NFIX: variants seen among roughly 807,000 people sequenced by gnomAD.
The protein encoded by NFIX is nuclear factor I X.
In NFIX, 2 loss-of-function variants were observed where a neutral mutation model predicts 53.3. That is an observed-to-expected ratio of 0.04 (90% CI 0.02 to 0.12). The LOEUF (loss-of-function observed/expected upper bound fraction) is 0.12. Among genes scored for constraint, NFIX ranks in the 10% least tolerant of loss-of-function variants. The pLI is 1.00. For missense variants in NFIX, 310 were observed against 674.5 expected (o/e 0.46, Z 5.99); for synonymous variants, 244 against 289.0 (o/e 0.84, Z 1.58).
chr19:13,047,810 G>T (rs2015082624), intron 2 of NFIX, among the ~76,000 whole-genome samples: 1 of 152,152 alleles, frequency 6.6e-6, no homozygotes, highest in Non-Finnish European at 1.5e-5. Context: ...TGGTATGGCT[G>T]GTCTGTGGAC....
At position 12,998,884 on chromosome 19, in the gene NFIX, C is replaced by G. The variant is rs141425882; in HGVS notation, c.27+3020C>G. Reference sequence around the variant, plus strand: ...TACCTCTTTGACGCACGTATGGACACAGGAAACTGTGGACTTGTGTTCACA... The same window carrying G: ...TACCTCTTTGACGCACGTATGGACAGAGGAAACTGTGGACTTGTGTTCACA... On this transcript the variant is annotated intron_variant, in intron 1 of 10. Transcript: ENST00000592199. This position sits in a 1 kb window ranked among gnomAD's most constrained non-coding sequence, Gnocchi z 4.4. Among the ~76,000 whole-genome samples the G allele has an allele frequency of 1.3e-3, 192 of 152,270 alleles. 2 individuals carry two copies. The highest frequency in any genetic ancestry group is 4.5e-3 in the African/African-American group (186 of 41,530).
Position 13,089,307 on chromosome 19 carries a change from A to C in NFIX, c.1403-992A>C, listed in dbSNP as rs531533293. On this transcript the variant is annotated intron_variant, in intron 9 of 10. Transcript: ENST00000592199. The surrounding 1 kb of genome is among the most constrained non-coding windows in gnomAD (Gnocchi z 4.8). The stretch of plus-strand genomic sequence containing the variant: ...GGTGCAGGGCAGCGGCGGGCCTTCC[A>C]GGTAACCTGTGACACTCCTTGCCTC... Among the ~76,000 whole-genome samples the C allele has an allele frequency of 6.6e-6, 1 of 152,076 alleles. No homozygotes were observed.
chr19:13,079,886 A>C (rs964083242), intron 7 of NFIX, among the ~76,000 whole-genome samples: 1 of 152,248 alleles, frequency 6.6e-6, no homozygotes, highest in African/African-American at 2.4e-5. Flanking sequence ...AAGGACGCGT[A>C]TGTGAGGACA....
chr19:13,063,293 T>A (rs1305652099), intron 2 of NFIX, among the ~76,000 whole-genome samples: 1 of 152,118 alleles, frequency 6.6e-6, no homozygotes, highest in Non-Finnish European at 1.5e-5. Flanking sequence ...CCTTTTCCTT[T>A]TCTTCTTCCT....
rs2014210230 is a variant in NFIX at position 13,036,575 on chromosome 19, C to T, written c.559+11023C>T. On this transcript the variant is annotated intron_variant, in intron 2 of 10. Transcript: ENST00000592199. This position sits in a 1 kb window ranked among gnomAD's most constrained non-coding sequence, Gnocchi z 4.7. ...GCGATCGGGAGATCCCCGGAGGCGA[C>T]CTGCAGGAGGCCAGCCGAGTGCAGC... Among the ~76,000 whole-genome samples, 1 of 152,138 alleles carries T rather than the reference C, an allele frequency of 6.6e-6. No individual in the cohort carries two copies. The highest frequency in any genetic ancestry group is 2.4e-5 in the African/African-American group (1 of 41,414).
intron 10 of NFIX, among the ~76,000 whole-genome samples, chr19:13,092,939 A>C (rs2018232659): frequency 6.6e-6 from 1 of 152,234 alleles, no homozygotes; most frequent in Non-Finnish European, 1.5e-5. Flanking sequence ...AGCCCCACTG[A>C]GGGAGGGCAG....
chr19:13,061,623 C>G (rs1213391074), intron 2 of NFIX, among the ~76,000 whole-genome samples: 1 of 152,180 alleles, frequency 6.6e-6, no homozygotes, highest in Non-Finnish European at 1.5e-5. Flanking sequence ...CTCCCTGAGC[C>G]GTGCTGCTCG....
chr19:13,076,729 C>T (rs959081372), intron 6 of NFIX, among the ~76,000 whole-genome samples: 1 of 152,210 alleles, frequency 6.6e-6, no homozygotes, highest in Admixed American at 6.5e-5. Context: ...CTGGGAAGGG[C>T]CAAGTGGGCA....
At chr19:13,018,970 G>C (rs2012816092) in intron 1 of NFIX, among the ~76,000 whole-genome samples, 1 of 152,174 alleles carries the variant, frequency 6.6e-6, no homozygotes, top group Non-Finnish European at 1.5e-5. Flanking sequence ...TATTAAAATG[G>C]ATACTGGAAT....
chr19:13,087,499 G>A (rs1374676388), intron 8 of NFIX, among the ~76,000 whole-genome samples: 1 of 152,046 alleles, frequency 6.6e-6, no homozygotes, highest in African/African-American at 2.4e-5. Context: ...TGTGGGGTGG[G>A]TGCTGGCAGG....
intron 5 of NFIX, among the ~76,000 whole-genome samples, chr19:13,074,261 G>A (rs559990605): frequency 1.2e-4 from 19 of 152,296 alleles, no homozygotes; most frequent in African/African-American, 2.2e-4. Flanking sequence ...ACAAGGCATC[G>A]CTTTGCCTGG....
Position 13,011,399 on chromosome 19 carries a change from C to CA in NFIX, c.28-13622_28-13621insA. Among the ~76,000 whole-genome samples, 1 of 152,364 alleles carries CA rather than the reference C, an allele frequency of 6.6e-6. No homozygotes were observed. Among genetic ancestry groups the CA allele is most frequent in the South Asian group, 2.1e-4 (1 of 4,822 alleles). ...CCTCGGGAGAAATTTCCACTTGCCC[C>CA]CGAGTCCAGCTCGGGCCGCACGCTA... On this transcript the variant is annotated intron_variant, in intron 1 of 10. Coordinates refer to ENST00000592199, the MANE Select transcript of NFIX (RefSeq NM_001365902.3). The surrounding 1 kb of genome is among the most constrained non-coding windows in gnomAD (Gnocchi z 6.5).
rs1451500047 is a variant in NFIX, at chr19:12,995,662, T to C, written c.-176T>C. 3 of 142,552 alleles carry C rather than the reference T, an allele frequency of 2.1e-5. No individual in the cohort carries two copies. The highest frequency in any genetic ancestry group is 7.7e-5 in the African/African-American group (3 of 38,832). The allele number at this position is 142,552 out of a possible 1,614,324, so 8.8% of individuals were successfully genotyped here. On this transcript the variant is annotated 5_prime_UTR_variant, in exon 1 of 11. Coordinates refer to ENST00000592199, the MANE Select transcript of NFIX (RefSeq NM_001365902.3). ...GGCCCCGGAGCCGGCGGGGCCGAGC[T>C]TGCGAGCGGCGAGCGCGGAGCGGCG... is the stretch of plus-strand genomic sequence containing the variant.
In NFIX at chr19:13,043,225, A is replaced by G. The variant is rs1433993299; in HGVS notation, c.559+17673A>G. Reference sequence around the variant, plus strand: ...CCCACATTCTCACACCCTCCAATCCATGTTTTTATGAATCTGAGGTGCCCC... The same window carrying G: ...CCCACATTCTCACACCCTCCAATCCGTGTTTTTATGAATCTGAGGTGCCCC... On this transcript the variant is annotated intron_variant, in intron 2 of 10. Transcript: ENST00000592199. This position sits in a 1 kb window ranked among gnomAD's most constrained non-coding sequence, Gnocchi z 4.0. 6.6e-6 allele frequency among the ~76,000 whole-genome samples: 1 copy of G among 152,098 alleles called. No homozygotes were observed. Among genetic ancestry groups the G allele is most frequent in the Admixed American group, 6.5e-5 (1 of 15,270 alleles).
chr19:13,024,665 C>T (rs1216930214), intron 1 of NFIX: 14 of 1,536,256 alleles, frequency 9.1e-6, no homozygotes, highest in Non-Finnish European at 1.1e-5. Context: ...CAGAGCCTGG[C>T]GGGGATACCA....
In NFIX at chr19:13,028,664, A is replaced by G. The variant is rs1451943504; in HGVS notation, c.559+3112A>G. On this transcript the variant is annotated intron_variant, in intron 2 of 10. Coordinates refer to ENST00000592199, the MANE Select transcript of NFIX (RefSeq NM_001365902.3). This position sits in a 1 kb window ranked among gnomAD's most constrained non-coding sequence, Gnocchi z 4.2. ...TGTGTCTGTCTGTGTTTAGGAAGGG[A>G]GGTTGAGGCAGGGCAGGGTCAGAGA... Among the ~76,000 whole-genome samples the G allele has an allele frequency of 6.6e-6, 1 of 151,822 alleles. No individual in the cohort carries two copies. The highest frequency in any genetic ancestry group is 2.4e-5 in the African/African-American group (1 of 41,288).
rs1004106109 is a variant in NFIX at position 13,015,662 on chromosome 19, C to G, written c.28-9359C>G. Among the ~76,000 whole-genome samples, 3 of 152,222 alleles carry G rather than the reference C, an allele frequency of 2.0e-5. No homozygotes were observed. The East Asian group carries it at 5.8e-4, about 29-fold the overall frequency. On this transcript the variant is annotated intron_variant, in intron 1 of 10. Coordinates refer to ENST00000592199, the MANE Select transcript of NFIX (RefSeq NM_001365902.3). ...GAGGGGCCCTTGCTCCCCTCAGACA[C>G]TAAGGCTGTTTGGCTTTCAGCTCGG...
rs1394396091 is a variant in NFIX, at chr19:13,089,049, ATCTCACACTGC to A, written c.1402+918_1402+928del. On this transcript the variant is annotated intron_variant, in intron 9 of 10. Coordinates refer to ENST00000592199, the MANE Select transcript of NFIX (RefSeq NM_001365902.3). This position sits in a 1 kb window ranked among gnomAD's most constrained non-coding sequence, Gnocchi z 4.8. ...TCGGTGGCGGTGGGAGGGGTGGCCCATCTCACACTGCTCTCCGCTCGCTTTGTCTCTCCTCC... is the reference window on the plus strand; with the variant it reads ...TCGGTGGCGGTGGGAGGGGTGGCCCATCTCCGCTCGCTTTGTCTCTCCTCC... Among the ~76,000 whole-genome samples the A allele has an allele frequency of 6.6e-6, 1 of 151,904 alleles. No individual in the cohort carries two copies. The highest frequency in any genetic ancestry group is 1.5e-5 in the Non-Finnish European group (1 of 67,964).
chr19:13,042,782 T>G (rs919022497), intron 2 of NFIX, among the ~76,000 whole-genome samples: 1 of 144,386 alleles, frequency 6.9e-6, no homozygotes, highest in Non-Finnish European at 1.5e-5. Context: ...TTGTAAATTC[T>G]GCTGGGATGG....
Sources: gnomAD v4.1 joint callset for allele counts (sites outside exome capture counted in the v4.1 genomes callset) on GRCh38, gnomAD v4.1.1 for gene constraint, Gnocchi (gnomAD v3.1) non-coding constraint, MANE v1.5 for transcripts, NCBI Gene and HGNC (gene_info 2026-07-23, HGNC 2026-07-21) for gene names.